The following SLC38A12 variants were observed in gnomAD, a reference collection of about 807,000 sequenced individuals.
SLC38A12 encodes the protein solute carrier family 38 member 12.
At chr17:74,787,991 T>C in the SLC38A12 span, among the ~76,000 whole-genome samples, 1 of 152,126 alleles carries the variant, frequency 6.6e-6, no homozygotes, top group Admixed American at 6.5e-5. Context: ...AGACGAAGTT[T>C]CACCATTTTG....
the SLC38A12 span, chr17:74,795,573 A>C: frequency 1.9e-6 from 3 of 1,613,934 alleles, no homozygotes; most frequent in Non-Finnish European, 2.5e-6. Context: ...CACCAAATAC[A>C]ATGACACTGA....
the SLC38A12 span, among the ~76,000 whole-genome samples, chr17:74,822,264 C>G: frequency 6.6e-6 from 1 of 152,220 alleles, no homozygotes; most frequent in Non-Finnish European, 1.5e-5. Context: ...GGCCCCTTGC[C>G]ATTCTGCTGT....
chr17:74,795,713 T>C, the SLC38A12 span: 101 of 1,089,708 alleles, frequency 9.3e-5, no homozygotes, highest in Non-Finnish European at 1.2e-4. Context: ...TACTTCCAGG[T>C]AGAATCCTTT....
At chr17:74,808,222 G>A in the SLC38A12 span, among the ~76,000 whole-genome samples, 1 of 152,228 alleles carries the variant, frequency 6.6e-6, no homozygotes, top group African/African-American at 2.4e-5. Flanking sequence ...CAGCCTTGAG[G>A]GGGCCACAGA....
chr17:74,779,279 C>T, the SLC38A12 span, among the ~76,000 whole-genome samples: 6 of 152,320 alleles, frequency 3.9e-5, no homozygotes, highest in South Asian at 6.2e-4. Flanking sequence ...GGCAGTTAGG[C>T]CTGCAAGCTT....
chr17:74,811,956 A>C, the SLC38A12 span, among the ~76,000 whole-genome samples: 2 of 151,872 alleles, frequency 1.3e-5, no homozygotes. Context: ...TTAGGCGGGC[A>C]GATCGCTTGA....
At chr17:74,796,149 G>A in the SLC38A12 span, among the ~76,000 whole-genome samples, 2,703 of 152,294 alleles carry the variant, frequency 0.018, 31 homozygotes, top group Non-Finnish European at 0.03. Flanking sequence ...CTCCAGGCTC[G>A]TTCTTGATTG....
At chr17:74,805,076 C>T in the SLC38A12 span, among the ~76,000 whole-genome samples, 24 of 152,266 alleles carry the variant, frequency 1.6e-4, 1 homozygote, top group Admixed American at 1.4e-3. The surrounding 1 kb of genome is among the most constrained non-coding windows in gnomAD (Gnocchi z 5.0). Context: ...GCATTTTCAA[C>T]CAGTTCTGAG....
the SLC38A12 span, chr17:74,777,807 G>T: frequency 6.1e-5 from 23 of 375,778 alleles, no homozygotes; most frequent in African/African-American, 4.9e-4. Context: ...CCAGCTACTC[G>T]GGAGGCTGAG....
At chr17:74,807,136 C>T in the SLC38A12 span, among the ~76,000 whole-genome samples, 5 of 150,774 alleles carry the variant, frequency 3.3e-5, no homozygotes. Flanking sequence ...AGTGTCATCC[C>T]CAGACGTCGA....
At chr17:74,803,701 C>A in the SLC38A12 span, among the ~76,000 whole-genome samples, 1 of 152,194 alleles carries the variant, frequency 6.6e-6, no homozygotes, top group Non-Finnish European at 1.5e-5. Flanking sequence ...TGTGCGTGCA[C>A]ATGCATTTCC....
chr17:74,786,336 A>G, the SLC38A12 span, among the ~76,000 whole-genome samples: 1 of 127,858 alleles, frequency 7.8e-6, no homozygotes, highest in Non-Finnish European at 1.9e-5. Flanking sequence ...CAAAAAAGAG[A>G]TGGGAAGGAG....
the SLC38A12 span, among the ~76,000 whole-genome samples, chr17:74,831,529 C>T: frequency 2.6e-5 from 4 of 152,212 alleles, no homozygotes; most frequent in Non-Finnish European, 5.9e-5. Context: ...AGCAGCCGCT[C>T]GTGTGACCTG....
chr17:74,788,845 A>G, the SLC38A12 span: 8 of 1,613,326 alleles, frequency 5.0e-6, no homozygotes, highest in Non-Finnish European at 6.8e-6. Flanking sequence ...GCGCAGCTCC[A>G]CTGGAAGAGG....
the SLC38A12 span, chr17:74,777,168 G>A: frequency 1.3e-6 from 1 of 761,684 alleles, no homozygotes; most frequent in South Asian, 1.5e-5. Context: ...AAGTGTCTGT[G>A]ATAAAAGAAC....
chr17:74,799,853 A>G, the SLC38A12 span, among the ~76,000 whole-genome samples: 1 of 152,188 alleles, frequency 6.6e-6, no homozygotes, highest in Non-Finnish European at 1.5e-5. Flanking sequence ...CTCAAGGAGA[A>G]AATATCCTTT....
the SLC38A12 span, among the ~76,000 whole-genome samples, chr17:74,810,292 A>C: frequency 6.6e-6 from 1 of 152,206 alleles, no homozygotes; most frequent in Non-Finnish European, 1.5e-5. Flanking sequence ...CTAGGCATCA[A>C]CCGTCAGTTC....
At chr17:74,836,450 G>A in the SLC38A12 span, 4 of 1,608,162 alleles carry the variant, frequency 2.5e-6, no homozygotes, top group Non-Finnish European at 2.5e-6. The surrounding 1 kb of genome is among the most constrained non-coding windows in gnomAD (Gnocchi z 4.2). Flanking sequence ...CCCACGACCT[G>A]GAGTCCCTGG....
chr17:74,792,854 T>C, the SLC38A12 span, among the ~76,000 whole-genome samples: 30 of 152,326 alleles, frequency 2.0e-4, no homozygotes, highest in Admixed American at 1.6e-3. Flanking sequence ...TCTGTGCTTC[T>C]CCTTTGTTCC....
Sources: gnomAD v4.1 joint callset for allele counts (sites outside exome capture counted in the v4.1 genomes callset) on GRCh38, gnomAD v4.1.1 for gene constraint, Gnocchi (gnomAD v3.1) non-coding constraint, MANE v1.5 for transcripts, NCBI Gene and HGNC (gene_info 2026-07-23, HGNC 2026-07-21) for gene names.